GALNTL6: variants seen among roughly 807,000 people sequenced by gnomAD.
GALNTL6 encodes polypeptide N-acetylgalactosaminyltransferase-like 6.
In GALNTL6, 46 loss-of-function variants were observed where a neutral mutation model predicts 73.7. The ratio of observed to expected loss-of-function variants is 0.62; its 90% CI spans 0.49 to 0.80. The LOEUF (loss-of-function observed/expected upper bound fraction) is 0.80. GALNTL6 is among the 30% of genes least tolerant of loss of function. GALNTL6 has a pLI of 0.00. For missense variants in GALNTL6, 604 were observed against 755.0 expected (o/e 0.80, Z 2.34); for synonymous variants, 259 against 263.7 (o/e 0.98, Z 0.17).
chr4:172,268,582 T>C (rs758720941), intron 3 of GALNTL6, among the ~76,000 whole-genome samples: 17 of 152,210 alleles, frequency 1.1e-4, no homozygotes, highest in Non-Finnish European at 1.6e-4. Context: ...GTGCTCTCTG[T>C]AGCTAATACC....
At chr4:173,033,136 G>C (rs1459590926) in intron 12 of GALNTL6, among the ~76,000 whole-genome samples, 5 of 152,172 alleles carry the variant, frequency 3.3e-5, no homozygotes, top group Admixed American at 3.3e-4. Flanking sequence ...AAGTAGCTGG[G>C]ATTACAGGCA....
chr4:172,770,341 ATATTAATTGC>A (rs1738693798), intron 5 of GALNTL6, among the ~76,000 whole-genome samples: 1 of 151,968 alleles, frequency 6.6e-6, no homozygotes. Flanking sequence ...TTCCTGCCAC[ATATTAATTGC>A]TCAATAAAAG....
intron 2 of GALNTL6, among the ~76,000 whole-genome samples, chr4:171,990,504 C>T (rs1394699811): frequency 6.6e-6 from 1 of 152,058 alleles, no homozygotes; most frequent in East Asian, 1.9e-4. Context: ...TTGTATTATT[C>T]TGATACTTTA....
At chr4:172,473,274 A>G (rs947681096) in intron 5 of GALNTL6, among the ~76,000 whole-genome samples, 1 of 152,164 alleles carries the variant, frequency 6.6e-6, no homozygotes, top group Admixed American at 6.5e-5. Flanking sequence ...CACTCAGCAT[A>G]TAAGGCTGCT....
intron 5 of GALNTL6, among the ~76,000 whole-genome samples, chr4:172,632,123 C>G (rs1183561951): frequency 2.0e-5 from 3 of 152,186 alleles, no homozygotes; most frequent in African/African-American, 7.2e-5. Flanking sequence ...AATTAAACCA[C>G]TTTTCTTTAT....
intron 5 of GALNTL6, among the ~76,000 whole-genome samples, chr4:172,495,038 G>A (rs1336705026): frequency 2.0e-5 from 3 of 152,154 alleles, no homozygotes; most frequent in African/African-American, 7.2e-5. Context: ...TAGCTAGACA[G>A]CAAGGGAGTG....
intron 5 of GALNTL6, among the ~76,000 whole-genome samples, chr4:172,446,006 T>C (rs1447650820): frequency 1.3e-5 from 2 of 152,074 alleles, no homozygotes; most frequent in East Asian, 1.9e-4. Flanking sequence ...AAGTTCAATG[T>C]AGAAGACATT....
chr4:171,843,025 T>A (rs996294532), intron 2 of GALNTL6, among the ~76,000 whole-genome samples: 1 of 152,154 alleles, frequency 6.6e-6, no homozygotes, highest in Non-Finnish European at 1.5e-5. Flanking sequence ...CCTAGTTAGA[T>A]CGTGCACTTT....
intron 7 of GALNTL6, among the ~76,000 whole-genome samples, chr4:172,820,608 A>G (rs961929743): frequency 6.6e-6 from 1 of 152,186 alleles, no homozygotes; most frequent in African/African-American, 2.4e-5. Context: ...TTAATTAGAT[A>G]CTGTTCATTC....
At chr4:172,624,424 GAA>G (rs11388110) in intron 5 of GALNTL6, among the ~76,000 whole-genome samples, 1 of 149,134 alleles carries the variant, frequency 6.7e-6, no homozygotes, top group African/African-American at 2.5e-5. Flanking sequence ...CATCCACCTA[GAA>G]AAAAAAAATG....
At chr4:172,096,790 G>C (rs897406632) in intron 2 of GALNTL6, among the ~76,000 whole-genome samples, 7 of 152,092 alleles carry the variant, frequency 4.6e-5, no homozygotes, top group Non-Finnish European at 1.0e-4. Context: ...AACTGATATG[G>C]ATATCCTCTT....
chr4:173,029,618 T>C (rs547007704), intron 12 of GALNTL6, among the ~76,000 whole-genome samples: 10 of 152,242 alleles, frequency 6.6e-5, no homozygotes, highest in Non-Finnish European at 1.5e-4. Flanking sequence ...AGTTGATTGA[T>C]TTCCTGCCTT....
chr4:171,940,866 T>A (rs961416472), intron 2 of GALNTL6, among the ~76,000 whole-genome samples: 35 of 78,282 alleles, frequency 4.5e-4, no homozygotes, highest in African/African-American at 1.1e-3. Flanking sequence ...TAAATAAATA[T>A]ATAAGTCATG....
At position 173,026,177 on chromosome 4, in the gene GALNTL6, A is replaced by T. The variant is rs1219180894; in HGVS notation, c.1638+4552A>T. Among the ~76,000 whole-genome samples the T allele has an allele frequency of 2.0e-5, 3 of 152,204 alleles. No homozygotes were observed. The East Asian group carries it at 5.8e-4, about 29-fold the overall frequency. On this transcript the variant is annotated intron_variant, in intron 12 of 12. Transcript: ENST00000506823. ...TTTTAATGCACATGGTTTATTTGGG[A>T]TATAGCCCCAAAAATTCTTGACAGG...
At chr4:172,659,473 CTTCT>C (rs1731258793) in intron 5 of GALNTL6, among the ~76,000 whole-genome samples, 1 of 151,978 alleles carries the variant, frequency 6.6e-6, no homozygotes, top group Non-Finnish European at 1.5e-5. Flanking sequence ...GATCTTATTC[CTTCT>C]ATTTAATTAT....
intron 5 of GALNTL6, among the ~76,000 whole-genome samples, chr4:172,457,704 T>G (rs1393911321): frequency 6.6e-6 from 1 of 152,164 alleles, no homozygotes; most frequent in African/African-American, 2.4e-5. Flanking sequence ...CCCAGATTCA[T>G]AAAGCAAGTT....
chr4:172,604,073 T>C (rs1738168914), intron 5 of GALNTL6, among the ~76,000 whole-genome samples: 1 of 152,216 alleles, frequency 6.6e-6, no homozygotes, highest in Non-Finnish European at 1.5e-5. Context: ...TGCTGAGCGG[T>C]GCATTAGTAA....
At chr4:172,256,134 T>G (rs1306394976) in intron 3 of GALNTL6, among the ~76,000 whole-genome samples, 5 of 151,540 alleles carry the variant, frequency 3.3e-5, no homozygotes, top group Non-Finnish European at 7.4e-5. Flanking sequence ...TCAATCTTCA[T>G]GAAAATCACC....
At chr4:172,046,485 C>G (rs1742225640) in intron 2 of GALNTL6, among the ~76,000 whole-genome samples, 1 of 152,070 alleles carries the variant, frequency 6.6e-6, no homozygotes, top group Admixed American at 6.6e-5. Context: ...TACATTTTCA[C>G]TAGTTGTATA....
Sources: allele counts gnomAD v4.1 joint callset (sites outside exome capture counted in the v4.1 genomes callset), GRCh38; gene constraint gnomAD v4.1.1; transcripts MANE v1.5; gene names NCBI Gene and HGNC (gene_info 2026-07-23, HGNC 2026-07-21).